F13A1: variants seen among roughly 807,000 people sequenced by gnomAD.
F13A1 encodes the protein coagulation factor XIII A chain, also known as FSF, A subunit.
A neutral mutation model predicts 80.1 loss-of-function variants in F13A1; 47 were observed. The observed-to-expected ratio is 0.59, with a 90% CI of 0.46 to 0.75. The LOEUF is 0.75. Among genes scored for constraint, F13A1 ranks in the 30% least tolerant of loss-of-function variants. The probability of loss-of-function intolerance (pLI) is 0.00; values close to 1 mark genes in which losing one functional copy is unlikely to be tolerated. For missense variants in F13A1, 817 were observed against 930.4 expected, an observed-to-expected ratio of 0.88 and a Z score of 1.59; for synonymous variants, 349 against 344.9, an observed-to-expected ratio of 1.01 and a Z score of -0.13.
chr6:6,318,548 G>A lies in F13A1; in HGVS notation c.117C>T (p.Gly39=), dbSNP rs181003679. The change falls in exon 2 of 15, where the codon GGC becomes GGT. Residue 39 remains glycine, a synonymous_variant. Transcript: ENST00000264870. The stretch of plus-strand genomic sequence containing the variant: ...GTATGCTCATACCTTGCAGGTTGAC[G>A]CCCCGGGGCACCACGCCCTGAAGCT... ...TVELQGVVPR[G]VNLQEFLNVT... The A allele has an allele frequency of 7.0e-5, 113 of 1,613,260 alleles. 1 individual carries two copies. The East Asian group carries it at 1.9e-3, about 28-fold the overall frequency.
At chr6:6,235,064 T>A (rs970024929) in intron 6 of F13A1, among the ~76,000 whole-genome samples, 1 of 151,998 alleles carries the variant, frequency 6.6e-6, no homozygotes, top group Non-Finnish European at 1.5e-5. Context: ...AAAAATGAGG[T>A]GGCATCAATT....
At chr6:6,214,053 G>C (rs2113040792) in intron 8 of F13A1, among the ~76,000 whole-genome samples, 1 of 130,376 alleles carries the variant, frequency 7.7e-6, no homozygotes, top group Admixed American at 7.7e-5. Flanking sequence ...CCTACAAAGA[G>C]ACTTAGACTC....
At chr6:6,160,955 T>A (rs1292474833) in intron 13 of F13A1, among the ~76,000 whole-genome samples, 1 of 152,114 alleles carries the variant, frequency 6.6e-6, no homozygotes, top group Admixed American at 6.5e-5. Context: ...CTAGCAAAAT[T>A]GTTCCTAGTT....
chr6:6,175,452 C>G (rs1583056147), intron 11 of F13A1, among the ~76,000 whole-genome samples: 2 of 152,182 alleles, frequency 1.3e-5, no homozygotes, highest in South Asian at 2.1e-4. Context: ...CCCCCAACAC[C>G]CATGCCATGG....
intron 13 of F13A1, among the ~76,000 whole-genome samples, chr6:6,159,190 C>A (rs1017314145): frequency 7.9e-5 from 12 of 152,022 alleles, no homozygotes; most frequent in African/African-American, 2.9e-4. Context: ...CTTGAGCCAC[C>A]GTGCCCAGTG....
intron 13 of F13A1, among the ~76,000 whole-genome samples, chr6:6,159,190 C>T (rs1017314145): frequency 6.6e-6 from 1 of 152,022 alleles, no homozygotes; most frequent in Non-Finnish European, 1.5e-5. Flanking sequence ...CTTGAGCCAC[C>T]GTGCCCAGTG....
At chr6:6,278,715 C>A (rs1758022023) in intron 3 of F13A1, among the ~76,000 whole-genome samples, 1 of 151,504 alleles carries the variant, frequency 6.6e-6, no homozygotes. Flanking sequence ...GGTGACAGTG[C>A]CTGAGCAGGG....
intron 2 of F13A1, among the ~76,000 whole-genome samples, chr6:6,314,910 A>G (rs1194020976): frequency 6.6e-6 from 1 of 152,228 alleles, no homozygotes; most frequent in East Asian, 1.9e-4. Flanking sequence ...AGAGAGGTTT[A>G]CTCTGCACAA....
chr6:6,209,655 C>T (rs1761566077), intron 8 of F13A1, among the ~76,000 whole-genome samples: 1 of 152,184 alleles, frequency 6.6e-6, no homozygotes, highest in Admixed American at 6.5e-5. Flanking sequence ...AATGAAATAT[C>T]ATTCATCAAT....
At chr6:6,213,340 A>G (rs1446237785) in intron 8 of F13A1, among the ~76,000 whole-genome samples, 1 of 152,120 alleles carries the variant, frequency 6.6e-6, no homozygotes, top group East Asian at 1.9e-4. Flanking sequence ...CTCGGCAGAA[A>G]CTCTACAAGC....
chr6:6,152,480 C>T (rs1214001699), intron 13 of F13A1, among the ~76,000 whole-genome samples: 4 of 152,122 alleles, frequency 2.6e-5, no homozygotes, highest in African/African-American at 9.7e-5. Context: ...GGAGATTTTT[C>T]TTCTACAGCC....
chr6:6,152,113 A>G (rs1256493917), intron 13 of F13A1, among the ~76,000 whole-genome samples, 164 bp from the exon 14 acceptor site: 1 of 152,218 alleles, frequency 6.6e-6, no homozygotes, highest in Non-Finnish European at 1.5e-5. Context: ...GAGGATACCT[A>G]TTGAGAAAGA....
At chr6:6,238,172 T>C (rs754180885) in intron 6 of F13A1, among the ~76,000 whole-genome samples, 8 of 152,166 alleles carry the variant, frequency 5.3e-5, no homozygotes, top group Non-Finnish European at 1.0e-4. Flanking sequence ...ATGTAGACAT[T>C]TGATTTCTGA....
At chr6:6,211,617 T>C (rs1362836823) in intron 8 of F13A1, among the ~76,000 whole-genome samples, 4 of 152,248 alleles carry the variant, frequency 2.6e-5, no homozygotes, top group Non-Finnish European at 5.9e-5. Context: ...TCCAACTAGA[T>C]GAGTCATACA....
intron 3 of F13A1, among the ~76,000 whole-genome samples, chr6:6,304,445 A>T (rs941021842): frequency 6.6e-6 from 1 of 152,222 alleles, no homozygotes; most frequent in Non-Finnish European, 1.5e-5. Context: ...AAAATGTGTC[A>T]AAAGTTAATA....
chr6:6,232,582 C>T (rs935185223), intron 6 of F13A1, among the ~76,000 whole-genome samples: 1 of 152,148 alleles, frequency 6.6e-6, no homozygotes, highest in South Asian at 2.1e-4. Context: ...TAGATTTAAA[C>T]TATACCTTGG....
intron 12 of F13A1, among the ~76,000 whole-genome samples, chr6:6,171,599 C>T (rs1051536331): frequency 2.6e-5 from 4 of 152,202 alleles, no homozygotes; most frequent in African/African-American, 7.2e-5. Flanking sequence ...TAACCTTCCG[C>T]CCTACTTCCT....
At chr6:6,265,059 G>A (rs1034779233) in intron 4 of F13A1, among the ~76,000 whole-genome samples, 15 of 152,082 alleles carry the variant, frequency 9.9e-5, no homozygotes, top group Admixed American at 8.5e-4. Context: ...CCAAGAGTTC[G>A]AGACCAGCCT....
chr6:6,194,377 A>C (rs1193347548), intron 10 of F13A1, among the ~76,000 whole-genome samples: 1 of 152,126 alleles, frequency 6.6e-6, no homozygotes, highest in East Asian at 1.9e-4. Context: ...CAAAGCTTTC[A>C]GATGCTCAAC....
Sources: allele counts gnomAD v4.1 joint callset (sites outside exome capture counted in the v4.1 genomes callset), GRCh38; gene constraint gnomAD v4.1.1; transcripts MANE v1.5; gene names NCBI Gene and HGNC (gene_info 2026-07-23, HGNC 2026-07-21).